Variants in PPP2R5E observed in about 807,000 individuals in gnomAD.
PPP2R5E encodes the protein serine/threonine-protein phosphatase 2A 56 kDa regulatory subunit epsilon isoform.
PPP2R5E carries 4 observed loss-of-function variants against 65.3 expected under a neutral mutation model. The ratio of observed to expected loss-of-function variants is 0.06; its 90% CI spans 0.03 to 0.14. The LOEUF (loss-of-function observed/expected upper bound fraction) is 0.14, where lower values mean the gene tolerates loss of function less well. PPP2R5E is among the 10% of genes least tolerant of loss of function. PPP2R5E has a pLI of 1.00. For synonymous variants in PPP2R5E, 183 were observed against 187.4 expected, an observed-to-expected ratio of 0.98 and a Z score of 0.19; for missense variants, 274 against 556.1, an observed-to-expected ratio of 0.49 and a Z score of 5.10.
chr14:63,483,547 T>C lies in PPP2R5E; in HGVS notation c.158-29662A>G, dbSNP rs551379789. ...ACACAGCGCATTCACGGCAGGCAGC[T>C]CCCCATGAACTGGGAGGAGGAAAGA... On this transcript the variant is annotated intron_variant, in intron 2 of 13. Coordinates refer to ENST00000337537, the MANE Select transcript of PPP2R5E (RefSeq NM_006246.5). Among the ~76,000 whole-genome samples the C allele has an allele frequency of 1.8e-3, 273 of 152,064 alleles. 1 individual carries two copies. The highest frequency in any genetic ancestry group is 6.2e-3 in the African/African-American group (258 of 41,482).
chr14:63,467,944 C>CTAGA (rs757869419), intron 2 of PPP2R5E, among the ~76,000 whole-genome samples: 11 of 152,192 alleles, frequency 7.2e-5, no homozygotes, highest in Non-Finnish European at 1.3e-4. Context: ...TTAGGTGAGT[C>CTAGA]TCTAGCCCTT....
intron 12 of PPP2R5E, among the ~76,000 whole-genome samples, chr14:63,384,034 A>T (rs1884518164): frequency 6.6e-6 from 1 of 152,100 alleles, no homozygotes; most frequent in Non-Finnish European, 1.5e-5. Flanking sequence ...GGTCTCAGAA[A>T]CTGACAGCTG....
At chr14:63,523,196 A>G (rs1255770) in intron 2 of PPP2R5E, among the ~76,000 whole-genome samples, 48,447 of 148,114 alleles carry the variant, frequency 0.33, 10,002 homozygotes, top group African/African-American at 0.6. Flanking sequence ...CCACCACCCC[A>G]TCTGGGAGGT....
At chr14:63,381,578 C>T (rs1884359694) in intron 13 of PPP2R5E, among the ~76,000 whole-genome samples, 1 of 143,446 alleles carries the variant, frequency 7.0e-6, no homozygotes, top group Non-Finnish European at 1.5e-5. Flanking sequence ...TACTCAGTGG[C>T]ACAGTAATAA....
intron 1 of PPP2R5E, 142 bp from the exon 2 acceptor site, chr14:63,539,834 G>A (rs915509451): frequency 1.1e-6 from 1 of 931,126 alleles, no homozygotes; most frequent in East Asian, 3.0e-5. Flanking sequence ...GTTAAGAAAA[G>A]TCTTATCTTG....
chr14:63,488,747 G>A (rs1407470308), intron 2 of PPP2R5E, among the ~76,000 whole-genome samples: 1 of 151,908 alleles, frequency 6.6e-6, no homozygotes, highest in African/African-American at 2.4e-5. Flanking sequence ...TACTCGGAAG[G>A]CTGAGGCAAG....
chr14:63,519,923 G>C (rs1264263772), intron 2 of PPP2R5E, among the ~76,000 whole-genome samples: 1 of 151,868 alleles, frequency 6.6e-6, no homozygotes, highest in Non-Finnish European at 1.5e-5. Flanking sequence ...GCCTCCCAAA[G>C]TGCTGGGATT....
intron 2 of PPP2R5E, among the ~76,000 whole-genome samples, chr14:63,477,189 A>C (rs1001803800): frequency 7.2e-5 from 11 of 152,248 alleles, no homozygotes; most frequent in African/African-American, 2.2e-4. Flanking sequence ...ACAGCATATA[A>C]TACTACTACT....
In PPP2R5E at chr14:63,539,514, G is replaced by C. The variant is rs546289120; in HGVS notation, c.157+15C>G. ...TCAATTGAAAAAGAATGCATCACCTGGTCATGAGCCTTACCTTTTAGCAGC... is the reference window on the plus strand; with the variant it reads ...TCAATTGAAAAAGAATGCATCACCTCGTCATGAGCCTTACCTTTTAGCAGC... On this transcript the variant is annotated intron_variant, in intron 2 of 13. Coordinates refer to ENST00000337537, the MANE Select transcript of PPP2R5E (RefSeq NM_006246.5). 5.0e-6 allele frequency: 8 copies of C among 1,609,582 alleles called. No homozygotes were observed. In the South Asian group the frequency reaches 7.7e-5, roughly 16 times the overall value.
intron 2 of PPP2R5E, among the ~76,000 whole-genome samples, chr14:63,483,319 G>T (rs560725102): frequency 2.0e-5 from 3 of 152,290 alleles, no homozygotes; most frequent in Admixed American, 6.5e-5. Context: ...TATGACATCA[G>T]TGTGGTAAGT....
intron 3 of PPP2R5E, among the ~76,000 whole-genome samples, chr14:63,436,260 G>T (rs1016489047): frequency 6.6e-6 from 1 of 152,200 alleles, no homozygotes; most frequent in Non-Finnish European, 1.5e-5. Flanking sequence ...GGACTTCATG[G>T]TTCCAAATCA....
rs1438077418 is a variant in PPP2R5E, at chr14:63,375,928, A to G, written c.*81T>C. 2.0e-6 allele frequency: 2 copies of G among 976,590 alleles called. No homozygotes were observed. The highest frequency in any genetic ancestry group is 1.5e-5 in the South Asian group (1 of 68,190). The allele number at this position is 976,590 out of a possible 1,614,324, so 60.5% of individuals were successfully genotyped here. On this transcript the variant is annotated 3_prime_UTR_variant, in exon 14 of 14. Transcript: ENST00000337537. The stretch of plus-strand genomic sequence containing the variant: ...GGTGAAATCTACTGTAAAGTTGCAC[A>G]ATACAGAAAACTGTTGCTCCATCTT...
chr14:63,401,681 A>G (rs183195848), intron 5 of PPP2R5E, among the ~76,000 whole-genome samples: 2 of 152,336 alleles, frequency 1.3e-5, no homozygotes, highest in Non-Finnish European at 2.9e-5. Context: ...CAGTGAAAGA[A>G]TAAGAATAGA....
intron 3 of PPP2R5E, among the ~76,000 whole-genome samples, chr14:63,438,158 T>C (rs1013260498): frequency 6.6e-6 from 1 of 152,244 alleles, no homozygotes; most frequent in Non-Finnish European, 1.5e-5. Context: ...TGCCAGATTC[T>C]TGCCTCAGGC....
intron 2 of PPP2R5E, among the ~76,000 whole-genome samples, chr14:63,520,886 A>G (rs916945494): frequency 9.8e-5 from 14 of 143,006 alleles, no homozygotes; most frequent in African/African-American, 3.7e-4. Flanking sequence ...AAAAAAAAAA[A>G]CAATTAGCCG....
chr14:63,481,638 CTATT>C (rs1307302364), intron 2 of PPP2R5E, among the ~76,000 whole-genome samples: 2 of 151,710 alleles, frequency 1.3e-5, no homozygotes, highest in Admixed American at 6.6e-5. Flanking sequence ...TTTCCAATAA[CTATT>C]TAATAGTTTT....
intron 4 of PPP2R5E, among the ~76,000 whole-genome samples, chr14:63,421,535 T>C (rs1389657124): frequency 6.6e-6 from 1 of 152,208 alleles, no homozygotes; most frequent in Admixed American, 6.5e-5. Context: ...GTGAACGAAA[T>C]AGCTATTACA....
intron 1 of PPP2R5E, among the ~76,000 whole-genome samples, chr14:63,542,512 T>A (rs1027891114): frequency 6.6e-6 from 1 of 151,038 alleles, no homozygotes; most frequent in Non-Finnish European, 1.5e-5. Context: ...CCCCCGCCAG[T>A]GGATAAAGGG....
intron 3 of PPP2R5E, among the ~76,000 whole-genome samples, chr14:63,443,760 A>T (rs1484709306): frequency 2.6e-5 from 4 of 152,150 alleles, no homozygotes; most frequent in African/African-American, 9.7e-5. Flanking sequence ...ACTCCCCAAC[A>T]GCAGCACCAC....
Sources: allele counts gnomAD v4.1 joint callset (sites outside exome capture counted in the v4.1 genomes callset), GRCh38; gene constraint gnomAD v4.1.1; transcripts MANE v1.5; gene names NCBI Gene and HGNC (gene_info 2026-07-23, HGNC 2026-07-21).